The following KCNIP4 variants were observed in gnomAD, a reference collection of about 807,000 sequenced individuals.
KCNIP4 encodes Kv channel-interacting protein 4.
Under a neutral mutation model 34.0 loss-of-function variants are expected in KCNIP4, and 12 were observed. The ratio of observed to expected loss-of-function variants is 0.35; its 90% CI spans 0.23 to 0.57. KCNIP4 has a LOEUF of 0.57. KCNIP4 is among the 20% of genes least tolerant of loss of function. The pLI, the probability that KCNIP4 is intolerant of heterozygous loss-of-function variation, is 0.83. For missense variants in KCNIP4, 238 were observed against 311.7 expected, an observed-to-expected ratio of 0.76 and a Z score of 1.78; for synonymous variants, 124 against 102.2, an observed-to-expected ratio of 1.21 and a Z score of -1.29.
chr4:21,929,383 C>T (rs1337347711), intron 1 of KCNIP4, among the ~76,000 whole-genome samples: 1 of 151,890 alleles, frequency 6.6e-6, no homozygotes, highest in Non-Finnish European at 1.5e-5. Context: ...GGCAGGAATC[C>T]CCAGGTATTT....
intron 1 of KCNIP4, among the ~76,000 whole-genome samples, chr4:21,820,857 T>C (rs1189719864): frequency 6.6e-6 from 1 of 152,126 alleles, no homozygotes; most frequent in African/African-American, 2.4e-5. Flanking sequence ...GATTTCCACA[T>C]TGTACAGTCA....
intron 1 of KCNIP4, among the ~76,000 whole-genome samples, chr4:21,051,802 TA>T (rs1742956880): frequency 6.6e-6 from 1 of 152,170 alleles, no homozygotes; most frequent in African/African-American, 2.4e-5. Flanking sequence ...TCTGGTTAAA[TA>T]TCAATATGAT....
chr4:21,411,749 G>A (rs372711562), intron 1 of KCNIP4, among the ~76,000 whole-genome samples: 1 of 152,038 alleles, frequency 6.6e-6, no homozygotes, highest in East Asian at 1.9e-4. Flanking sequence ...AAAGTGGGAG[G>A]ATCACTTGAG....
intron 1 of KCNIP4, among the ~76,000 whole-genome samples, chr4:21,343,087 G>T (rs1412841237): frequency 1.3e-5 from 2 of 152,074 alleles, no homozygotes; most frequent in South Asian, 4.1e-4. Flanking sequence ...GAAAGAAAGG[G>T]TTTATGAAAG....
chr4:21,063,787 C>A (rs1157430612), intron 1 of KCNIP4, among the ~76,000 whole-genome samples: 1 of 151,948 alleles, frequency 6.6e-6, no homozygotes, highest in African/African-American at 2.4e-5. Context: ...ATAGAAGATT[C>A]TTAGAAGATG....
chr4:21,620,383 T>G (rs1744919845), intron 1 of KCNIP4, among the ~76,000 whole-genome samples: 1 of 152,042 alleles, frequency 6.6e-6, no homozygotes, highest in African/African-American at 2.4e-5. Context: ...ATGTCTGTAG[T>G]CCCAGCTACT....
At chr4:21,899,700 TA>T (rs1481393627) in intron 1 of KCNIP4, among the ~76,000 whole-genome samples, 2 of 151,878 alleles carry the variant, frequency 1.3e-5, no homozygotes, top group African/African-American at 4.8e-5. Flanking sequence ...CAGCTACAAA[TA>T]AAATAAAGTA....
chr4:20,737,046 A>G (rs1749777312), intron 5 of KCNIP4, among the ~76,000 whole-genome samples: 1 of 152,206 alleles, frequency 6.6e-6, no homozygotes. Context: ...AGACCATTCA[A>G]TAGCTATGGA....
intron 1 of KCNIP4, among the ~76,000 whole-genome samples, chr4:21,568,246 C>A (rs1053994377): frequency 2.6e-5 from 4 of 152,104 alleles, no homozygotes; most frequent in African/African-American, 4.8e-5. Context: ...AAAATAAGAT[C>A]ATTGCAAAAG....
chr4:21,711,690 G>A (rs888257484), intron 1 of KCNIP4, among the ~76,000 whole-genome samples: 3 of 152,136 alleles, frequency 2.0e-5, no homozygotes, highest in African/African-American at 7.2e-5. Flanking sequence ...TTCTGTTACT[G>A]TTTTTCATAT....
intron 1 of KCNIP4, among the ~76,000 whole-genome samples, chr4:21,926,684 CCTCT>C (rs1385026833): frequency 1.3e-5 from 2 of 152,132 alleles, no homozygotes; most frequent in East Asian, 1.9e-4. Context: ...GTTGATCCCA[CCTCT>C]CTCTAACTCC....
chr4:21,811,873 C>T (rs760824263), intron 1 of KCNIP4, among the ~76,000 whole-genome samples: 30 of 152,146 alleles, frequency 2.0e-4, no homozygotes, highest in Non-Finnish European at 3.7e-4. Context: ...TCGTGAGAAT[C>T]CCTTGTCATG....
At chr4:21,308,647 A>G (rs1375213926) in intron 1 of KCNIP4, among the ~76,000 whole-genome samples, 2 of 152,142 alleles carry the variant, frequency 1.3e-5, no homozygotes, top group South Asian at 4.1e-4. Flanking sequence ...TGACTTTTTA[A>G]AAGATTTCTC....
chr4:21,332,803 T>C (rs905426089), intron 1 of KCNIP4, among the ~76,000 whole-genome samples: 1 of 152,096 alleles, frequency 6.6e-6, no homozygotes, highest in African/African-American at 2.4e-5. Flanking sequence ...AAGCGTTTCT[T>C]AAAATGTGTA....
intron 4 of KCNIP4, among the ~76,000 whole-genome samples, chr4:20,753,176 T>C (rs368124737): frequency 6.6e-6 from 1 of 152,196 alleles, no homozygotes; most frequent in East Asian, 1.9e-4. Flanking sequence ...GTATTTACAT[T>C]GAACAAAGGT....
At chr4:21,266,664 G>A (rs759783326) in intron 1 of KCNIP4, among the ~76,000 whole-genome samples, 12 of 152,176 alleles carry the variant, frequency 7.9e-5, no homozygotes, top group Non-Finnish European at 1.3e-4. Context: ...CTGCATCTGC[G>A]AATGTCCCAA....
intron 1 of KCNIP4, among the ~76,000 whole-genome samples, chr4:21,768,491 C>T (rs1204576307): frequency 6.6e-6 from 1 of 152,092 alleles, no homozygotes; most frequent in Admixed American, 6.6e-5. Flanking sequence ...AAATGCTTCA[C>T]TCCCAAGTCT....
chr4:21,355,240 A>G (rs1478916494), intron 1 of KCNIP4, among the ~76,000 whole-genome samples: 3 of 152,228 alleles, frequency 2.0e-5, no homozygotes, highest in Non-Finnish European at 4.4e-5. Context: ...CAATTAAAAT[A>G]ACTAGAGAAG....
rs551909780 is a variant in KCNIP4, at chr4:21,526,576, A to G, written c.61+421995T>C. Reference sequence around the variant, plus strand: ...TATATCAATCTATTCATATATATAGATTTATATATATATAGCTTATAACTT... The same window carrying G: ...TATATCAATCTATTCATATATATAGGTTTATATATATATAGCTTATAACTT... On this transcript the variant is annotated intron_variant, in intron 1 of 8. Transcript: ENST00000382152. 1.3e-4 allele frequency among the ~76,000 whole-genome samples: 20 copies of G among 151,996 alleles called. No homozygotes were observed. The East Asian group carries it at 3.9e-3, about 29-fold the overall frequency.
Sources: allele counts gnomAD v4.1 joint callset (sites outside exome capture counted in the v4.1 genomes callset), GRCh38; gene constraint gnomAD v4.1.1; transcripts MANE v1.5; gene names NCBI Gene and HGNC (gene_info 2026-07-23, HGNC 2026-07-21).